The following DNAH8 variants were observed in gnomAD, a reference collection of about 807,000 sequenced individuals.
DNAH8 encodes axonemal beta dynein heavy chain 8.
A neutral mutation model predicts 562.1 loss-of-function variants in DNAH8; 382 were observed. That is an observed-to-expected ratio of 0.68 (90% CI 0.63 to 0.74). The LOEUF is 0.74. Ranked by LOEUF, DNAH8 falls within the 30% of genes least tolerant of loss-of-function variation. The probability of loss-of-function intolerance (pLI) is 0.00; values close to 1 mark genes in which losing one functional copy is unlikely to be tolerated. For missense variants in DNAH8, 5,203 were observed against 5,620.4 expected (o/e 0.93, Z 2.37); for synonymous variants, 1,881 against 1,919.4 (o/e 0.98, Z 0.52).
At chr6:38,825,825 C>G (rs144557646) in intron 28 of DNAH8, among the ~76,000 whole-genome samples, 1 of 151,982 alleles carries the variant, frequency 6.6e-6, no homozygotes, top group African/African-American at 2.4e-5. Context: ...GAGAAAAATG[C>G]GAGAATGAAT....
chr6:38,927,012 A>G lies in DNAH8; in HGVS notation c.11118+802A>G, dbSNP rs538035460. ...CTTTGCACATTTATCTTTTATTTCT[A>G]TTGTACCATGAACTCCTTTTTGGCC... On this transcript the variant is annotated intron_variant, in intron 74 of 92. Coordinates refer to ENST00000327475, the MANE Select transcript of DNAH8 (RefSeq NM_001206927.2). Among the ~76,000 whole-genome samples the G allele has an allele frequency of 3.3e-4, 50 of 152,232 alleles. 1 individual carries two copies. In the South Asian group the frequency reaches 9.9e-3, roughly 30 times the overall value.
rs548747011 is a variant in DNAH8, at chr6:39,024,464, T to C, written c.13715-2082T>C. ...ATGGAGAATTGGGTTTTATTATTTT[T>C]GTCATATATACCATTGACTGGAAAA... is the stretch of plus-strand genomic sequence containing the variant. On this transcript the variant is annotated intron_variant, in intron 91 of 92. Transcript: ENST00000327475. Among the ~76,000 whole-genome samples the C allele has an allele frequency of 6.8e-4, 103 of 152,342 alleles. 1 individual carries two copies. In the South Asian group the frequency reaches 0.018, roughly 27 times the overall value.
intron 68 of DNAH8, among the ~76,000 whole-genome samples, 189 bp downstream of exon 68, chr6:38,915,566 A>G (rs903596615): frequency 6.6e-6 from 1 of 152,164 alleles, no homozygotes; most frequent in Admixed American, 6.5e-5. Context: ...CCCCTCTTAT[A>G]TTATTTTCAT....
intron 52 of DNAH8, among the ~76,000 whole-genome samples, chr6:38,873,754 ACACACACACACACACC>A (rs200295045): frequency 0.19 from 12,848 of 66,870 alleles, 701 homozygotes; most frequent in East Asian, 0.43. Context: ...ACACACACAC[ACACACACACACACACC>A]CCTGCACTCC....
chr6:38,847,211 G>A (rs886510542), intron 36 of DNAH8, among the ~76,000 whole-genome samples: 1 of 152,146 alleles, frequency 6.6e-6, no homozygotes, highest in Non-Finnish European at 1.5e-5. Flanking sequence ...ACCACACAAA[G>A]TTGTACAATG....
chr6:38,896,103 T>C lies in DNAH8; in HGVS notation c.8818T>C (p.Ser2940Pro). The C allele has an allele frequency of 6.2e-7, 1 of 1,614,146 alleles. No individual in the cohort carries two copies. The highest frequency in any genetic ancestry group is 8.5e-7 in the Non-Finnish European group (1 of 1,179,970). ...LTRAVEENIG[S>P]DAASCILPEP... ...TCGTGCAGTTGAAGAAAATATTGGC[T>C]CTGATGCAGCGTCGTGTATTCTTCC... The change falls in exon 60 of 93, where the codon TCT becomes CCT. Residue 2940 changes from serine (S) to proline (P), a missense_variant. Around this residue, in one of 6 missense-constraint regions of DNAH8, gnomAD observed 977 missense variants for 1,061.8 expected, o/e 0.92. Transcript: ENST00000327475.
intron 9 of DNAH8, among the ~76,000 whole-genome samples, chr6:38,754,732 A>G (rs993480060): frequency 1.3e-5 from 2 of 152,106 alleles, no homozygotes; most frequent in Non-Finnish European, 2.9e-5. Flanking sequence ...TAGGCAAGGG[A>G]CTTAACTTCT....
At chr6:38,791,533 CT>C (rs758095081) in intron 20 of DNAH8, 21 bp from the exon 21 acceptor site, 41 of 1,584,712 alleles carry the variant, frequency 2.6e-5, no homozygotes, top group Non-Finnish European at 8.5e-7. Context: ...GTTTTTTTTT[CT>C]TACATTTTTC....
Position 38,860,444 on chromosome 6 carries a change from TTA to T in DNAH8, c.5959-11_5959-10del. 1 of 1,382,250 alleles carries T rather than the reference TTA, an allele frequency of 7.2e-7. No individual in the cohort carries two copies. Among genetic ancestry groups the T allele is most frequent in the Non-Finnish European group, 9.5e-7 (1 of 1,054,590 alleles). 85.6% of individuals were successfully genotyped at this position (1,382,250 alleles called of 1,614,324 possible). On this transcript the variant is annotated splice_polypyrimidine_tract_variant and intron_variant, in intron 42 of 92. Coordinates refer to ENST00000327475, the MANE Select transcript of DNAH8 (RefSeq NM_001206927.2). ...ATTCAGTATATAATTTTTTTGTATTTTATGTTTTTAAGGTAAAAATGCATATC... is the reference window on the plus strand; with the variant it reads ...ATTCAGTATATAATTTTTTTGTATTTTGTTTTTAAGGTAAAAATGCATATC...
At chr6:39,018,273 C>G (rs1766685839) in intron 91 of DNAH8, among the ~76,000 whole-genome samples, 2 of 152,158 alleles carry the variant, frequency 1.3e-5, no homozygotes, top group African/African-American at 4.8e-5. Flanking sequence ...CCACCTAGTC[C>G]TTTGTAATCT....
At position 38,951,338 on chromosome 6, in the gene DNAH8, C is replaced by T. The variant is rs1583440880; in HGVS notation, c.12269C>T (p.Thr4090Ile). The change falls in exon 82 of 93, where the codon ACT becomes ATT. Residue 4090 changes from threonine (T) to isoleucine (I), a missense_variant. This residue lies in a region of DNAH8 where 1,399 missense variants were observed against 1,518.4 expected (regional missense o/e 0.92). Coordinates refer to ENST00000327475, the MANE Select transcript of DNAH8 (RefSeq NM_001206927.2). ...TTTAGGTCTTGGTGCCCAGACCGTA[C>T]TGTTTTTCAAGCAAGAAAGTATATT... is the stretch of plus-strand genomic sequence containing the variant. ...LLIRSWCPDR[T>I]VFQARKYIAD... is the part of the protein sequence containing the mutation. The T allele has an allele frequency of 1.2e-6, 2 of 1,614,136 alleles. No individual in the cohort carries two copies. The highest frequency in any genetic ancestry group is 1.7e-6 in the Non-Finnish European group (2 of 1,180,018).
At chr6:38,957,642 C>A (rs1015117988) in intron 82 of DNAH8, among the ~76,000 whole-genome samples, 1 of 151,614 alleles carries the variant, frequency 6.6e-6, no homozygotes, top group Non-Finnish European at 1.5e-5. Flanking sequence ...TTCTTGACCA[C>A]AATGGAATGA....
chr6:38,771,840 G>A (rs1214756850), intron 12 of DNAH8, among the ~76,000 whole-genome samples: 6 of 152,030 alleles, frequency 3.9e-5, no homozygotes, highest in African/African-American at 7.2e-5. Context: ...GAATAATGTT[G>A]CTATGAACAT....
chr6:38,926,277 A>C, intron 74 of DNAH8, 67 bp downstream of exon 74: 8 of 1,542,738 alleles, frequency 5.2e-6, no homozygotes, highest in Non-Finnish European at 6.2e-6. Flanking sequence ...ATTTTGATTG[A>C]ATCTGCAGTC....
chr6:38,798,878 A>G (rs1435088182), intron 21 of DNAH8, among the ~76,000 whole-genome samples: 3 of 152,170 alleles, frequency 2.0e-5, no homozygotes, highest in Non-Finnish European at 4.4e-5. Context: ...TGAAGGGACC[A>G]GGGAAGAAAA....
intron 33 of DNAH8, among the ~76,000 whole-genome samples, chr6:38,839,027 G>T (rs1419458717): frequency 1.3e-5 from 2 of 152,120 alleles, no homozygotes; most frequent in Non-Finnish European, 2.9e-5. Context: ...AGCCATTTAG[G>T]GTAGGTGGTT....
chr6:38,880,521 G>T (rs1163962799), intron 53 of DNAH8, among the ~76,000 whole-genome samples: 1 of 152,008 alleles, frequency 6.6e-6, no homozygotes, highest in Non-Finnish European at 1.5e-5. Context: ...AGACTGTAAA[G>T]AACTATTTGA....
chr6:38,865,516 T>G (rs573795952), intron 45 of DNAH8, among the ~76,000 whole-genome samples: 1 of 152,198 alleles, frequency 6.6e-6, no homozygotes, highest in Non-Finnish European at 1.5e-5. Context: ...TCTCTTAAGA[T>G]CCTTTTATGG....
chr6:38,782,877 C>A, intron 16 of DNAH8, 127 bp from the exon 17 acceptor site: 1 of 840,926 alleles, frequency 1.2e-6, no homozygotes, highest in Non-Finnish European at 1.8e-6. Context: ...CTCTGTTTTA[C>A]TGTGAGGCAG....
Sources: allele counts gnomAD v4.1 joint callset (sites outside exome capture counted in the v4.1 genomes callset), GRCh38; gene constraint gnomAD v4.1.1; regional missense constraint gnomAD v4.1.1; transcripts MANE v1.5; gene names NCBI Gene and HGNC (gene_info 2026-07-23, HGNC 2026-07-21).